Variants in UBE2O observed in about 807,000 individuals in gnomAD.
The protein encoded by UBE2O is ubiquitin conjugating enzyme E2 O, also known as (E3-independent) E2 ubiquitin-conjugating enzyme.
In UBE2O, 15 loss-of-function variants were observed where a neutral mutation model predicts 125.8. The ratio of observed to expected loss-of-function variants is 0.12; its 90% CI spans 0.08 to 0.18. The LOEUF (loss-of-function observed/expected upper bound fraction) is 0.18. UBE2O is among the 10% of genes least tolerant of loss of function. UBE2O has a pLI of 1.00. For synonymous variants in UBE2O, 708 were observed against 703.2 expected (o/e 1.01, Z -0.11); for missense variants, 1,280 against 1,723.6 (o/e 0.74, Z 4.56).
chr17:76,443,676 T>C (rs920600592), intron 1 of UBE2O, among the ~76,000 whole-genome samples: 10 of 152,020 alleles, frequency 6.6e-5, no homozygotes, highest in Admixed American at 6.6e-4. Context: ...AAAGTCTACA[T>C]GGCACAATGG....
At position 76,452,516 on chromosome 17, in the gene UBE2O, GT is replaced by G. The variant is rs1207526803; in HGVS notation, c.417+208del. ...AGTCGGGAAGCCCAGGGCCCGCCCG[GT>G]CCCGGGCCAGCAGTGCCTGGCTGGC... On this transcript the variant is annotated intron_variant, in intron 1 of 17. Transcript: ENST00000319380. This position sits in a 1 kb window ranked among gnomAD's most constrained non-coding sequence, Gnocchi z 4.4. Among the ~76,000 whole-genome samples the G allele has an allele frequency of 6.6e-6, 1 of 152,130 alleles. No homozygotes were observed. Among genetic ancestry groups the G allele is most frequent in the African/African-American group, 2.4e-5 (1 of 41,436 alleles).
chr17:76,390,850 G>C lies in UBE2O; in HGVS notation c.*93C>G. 1.5e-6 allele frequency: 2 copies of C among 1,327,766 alleles called. No individual in the cohort carries two copies. Among genetic ancestry groups the C allele is most frequent in the South Asian group, 1.4e-5 (1 of 71,550 alleles). 82.2% of individuals were successfully genotyped at this position (1,327,766 alleles called of 1,614,324 possible). A position where few individuals can be genotyped will look rare whatever the true frequency, so the allele number is the denominator to read the frequency against. On this transcript the variant is annotated 3_prime_UTR_variant, in exon 18 of 18. Transcript: ENST00000319380. ...GGGCAGTGGGTTTGCAGTGGGGACA[G>C]AGGGGCATGGGAAGAGGGGTGATTC...
intron 1 of UBE2O, among the ~76,000 whole-genome samples, chr17:76,428,592 A>C (rs1053103362): frequency 1.3e-5 from 2 of 152,186 alleles, no homozygotes; most frequent in South Asian, 2.1e-4. Context: ...CCTCGGAGAT[A>C]CATTTTTCTC....
At chr17:76,423,509 T>C (rs1409245394) in intron 1 of UBE2O, among the ~76,000 whole-genome samples, 1 of 151,922 alleles carries the variant, frequency 6.6e-6, no homozygotes, top group Non-Finnish European at 1.5e-5. Flanking sequence ...CTGGCTAACA[T>C]GGTGAAACCC....
At chr17:76,438,469 C>T (rs1343227550) in intron 1 of UBE2O, among the ~76,000 whole-genome samples, 4 of 152,144 alleles carry the variant, frequency 2.6e-5, no homozygotes, top group South Asian at 4.1e-4. Flanking sequence ...CACTACACCC[C>T]GGCTCAGCTG....
intron 1 of UBE2O, among the ~76,000 whole-genome samples, chr17:76,407,468 G>A (rs949150666): frequency 3.9e-5 from 6 of 152,212 alleles, no homozygotes; most frequent in Non-Finnish European, 8.8e-5. Flanking sequence ...ATTGCTCCCA[G>A]AGAAGCCAGA....
chr17:76,405,115 A>G lies in UBE2O; in HGVS notation c.588+91T>C. 1 of 966,788 alleles carries G rather than the reference A, an allele frequency of 1.0e-6. No homozygotes were observed. Among genetic ancestry groups the G allele is most frequent in the Non-Finnish European group, 1.5e-6 (1 of 646,384 alleles). The allele number at this position is 966,788 out of a possible 1,614,324, so 59.9% of individuals were successfully genotyped here. ...CTGACCCAGGAAGGCTGTGCTTGGC[A>G]AGAGCACGGAGGAGGCTGTAGCCCA... On this transcript the variant is annotated intron_variant, in intron 3 of 17. Transcript: ENST00000319380. This position sits in a 1 kb window ranked among gnomAD's most constrained non-coding sequence, Gnocchi z 6.1.
In UBE2O at chr17:76,398,998, G is replaced by T; in HGVS notation, c.1629-7C>A. 1.9e-6 allele frequency: 3 copies of T among 1,613,238 alleles called. No homozygotes were observed. Among genetic ancestry groups the T allele is most frequent in the Non-Finnish European group, 1.7e-6 (2 of 1,179,726 alleles). ...CACCACCTCCACTGCCACCCTGCGG[G>T]TGCAGGCCAGTCAGCAGGCCATGCA... On this transcript the variant is annotated splice_region_variant and splice_polypyrimidine_tract_variant and intron_variant, in intron 9 of 17. Coordinates refer to ENST00000319380, the MANE Select transcript of UBE2O (RefSeq NM_022066.4). This position sits in a 1 kb window ranked among gnomAD's most constrained non-coding sequence, Gnocchi z 5.4.
chr17:76,447,358 A>G (rs1315328615), intron 1 of UBE2O, among the ~76,000 whole-genome samples: 2 of 152,208 alleles, frequency 1.3e-5, no homozygotes, highest in African/African-American at 4.8e-5. Flanking sequence ...ATATGGGGCT[A>G]ATAATAGCAC....
chr17:76,432,758 C>A (rs1212169585), intron 1 of UBE2O, among the ~76,000 whole-genome samples: 1 of 152,084 alleles, frequency 6.6e-6, no homozygotes, highest in Non-Finnish European at 1.5e-5. Flanking sequence ...AAACTCAGTT[C>A]AAAAATAAGC....
chr17:76,436,239 T>C (rs2072996332), intron 1 of UBE2O, among the ~76,000 whole-genome samples: 1 of 151,862 alleles, frequency 6.6e-6, no homozygotes, highest in Admixed American at 6.6e-5. Flanking sequence ...AAGAGCAAAC[T>C]CCATCTCAAA....
At chr17:76,401,995 G>T in intron 5 of UBE2O, 69 bp downstream of exon 5, 1 of 1,530,450 alleles carries the variant, frequency 6.5e-7, no homozygotes, top group Non-Finnish European at 8.9e-7. Context: ...CCAGGTCTTT[G>T]CTACGAAGTC....
Position 76,396,859 on chromosome 17 carries a change from G to GAAGTCACC in UBE2O, c.2116-46_2116-39dup. On this transcript the variant is annotated intron_variant, in intron 13 of 17. Transcript: ENST00000319380. The surrounding 1 kb of genome is among the most constrained non-coding windows in gnomAD (Gnocchi z 6.7). ...GGGAAGTGCCAGGGTAAGCAGACAG[G>GAAGTCACC]AAGTCACCTCCCCACCACTAAGGAG... The GAAGTCACC allele has an allele frequency of 6.6e-7, 1 of 1,526,192 alleles. No homozygotes were observed. Among genetic ancestry groups the GAAGTCACC allele is most frequent in the South Asian group, 1.3e-5 (1 of 79,750 alleles). The allele number at this position is 1,526,192 out of a possible 1,614,324, so 94.5% of individuals were successfully genotyped here.
chr17:76,440,858 C>A (rs1357267528), intron 1 of UBE2O, among the ~76,000 whole-genome samples: 1 of 152,234 alleles, frequency 6.6e-6, no homozygotes, highest in East Asian at 1.9e-4. Flanking sequence ...GCCTGCAACA[C>A]TAGGACATTT....
rs1325363700 is a variant in UBE2O at position 76,390,666 on chromosome 17, C to T, written c.*277G>A. 3.1e-5 allele frequency: 11 copies of T among 351,978 alleles called. No individual in the cohort carries two copies. Among genetic ancestry groups the T allele is most frequent in the Non-Finnish European group, 5.2e-5 (10 of 192,656 alleles). The allele number at this position is 351,978 out of a possible 1,614,324, so 21.8% of individuals were successfully genotyped here. A position where few individuals can be genotyped will look rare whatever the true frequency, so the allele number is the denominator to read the frequency against. On this transcript the variant is annotated 3_prime_UTR_variant, in exon 18 of 18. Coordinates refer to ENST00000319380, the MANE Select transcript of UBE2O (RefSeq NM_022066.4). Reference sequence around the variant, plus strand: ...GAAGGGGCAGCAAGGGAGCAAGTGCCGGACATTCTGCTGGGGTGACAAATG... The same window carrying T: ...GAAGGGGCAGCAAGGGAGCAAGTGCTGGACATTCTGCTGGGGTGACAAATG...
chr17:76,389,780 C>T lies in UBE2O; in HGVS notation c.*1163G>A, dbSNP rs1203604431. ...TGGAGCCCACTTAAGGCTGACAAGA[C>T]GCATCATGCTTTGGCTTTTTTTTTG... On this transcript the variant is annotated 3_prime_UTR_variant, in exon 18 of 18. Transcript: ENST00000319380. 6.6e-6 allele frequency: 1 copy of T among 152,196 alleles called. No individual in the cohort carries two copies. The highest frequency in any genetic ancestry group is 6.5e-5 in the Admixed American group (1 of 15,278). 9.4% of individuals were successfully genotyped at this position (152,196 alleles called of 1,614,324 possible). A position where few individuals can be genotyped will look rare whatever the true frequency, so the allele number is the denominator to read the frequency against.
intron 1 of UBE2O, chr17:76,430,878 G>T: frequency 2.5e-6 from 1 of 405,572 alleles, no homozygotes; most frequent in South Asian, 2.0e-5. Flanking sequence ...GGTTCTGCAG[G>T]CACAAAAAAG....
At chr17:76,406,675 A>G (rs1277233402) in intron 1 of UBE2O, among the ~76,000 whole-genome samples, 1 of 145,802 alleles carries the variant, frequency 6.9e-6, no homozygotes, top group Non-Finnish European at 1.5e-5. Context: ...TCCCATGGGA[A>G]CTCATGAGCC....
intron 15 of UBE2O, 99 bp from the exon 16 acceptor site, chr17:76,392,212 CTG>C: frequency 5.6e-6 from 4 of 717,994 alleles, no homozygotes; most frequent in Non-Finnish European, 6.5e-6. Flanking sequence ...TCCCAGGACA[CTG>C]TGCAGATCAC....
Sources: gnomAD v4.1 joint callset for allele counts (sites outside exome capture counted in the v4.1 genomes callset) on GRCh38, gnomAD v4.1.1 for gene constraint, Gnocchi (gnomAD v3.1) non-coding constraint, MANE v1.5 for transcripts, NCBI Gene and HGNC (gene_info 2026-07-23, HGNC 2026-07-21) for gene names.